Variants in MTUS1 observed in about 807,000 individuals in gnomAD.
MTUS1 encodes microtubule associated scaffold protein 1, also known as microtubule-associated tumor suppressor 1.
In MTUS1, 109 loss-of-function variants were observed where a neutral mutation model predicts 120.8. The ratio of observed to expected loss-of-function variants is 0.90; its 90% CI spans 0.77 to 1.06. The LOEUF (loss-of-function observed/expected upper bound fraction) is 1.06, where lower values mean the gene tolerates loss of function less well. Ranked by LOEUF, MTUS1 falls within the 50% of genes least tolerant of loss-of-function variation. The probability of loss-of-function intolerance (pLI) is 0.00; values close to 1 mark genes in which losing one functional copy is unlikely to be tolerated. For missense variants in MTUS1, 2,210 were observed against 1,486.3 expected (o/e 1.49, Z -8.01); for synonymous variants, 737 against 550.5 (o/e 1.34, Z -4.74).
intron 1 of MTUS1, among the ~76,000 whole-genome samples, chr8:17,789,612 C>T (rs557955661): frequency 1.3e-5 from 2 of 152,238 alleles, no homozygotes; most frequent in Admixed American, 6.5e-5. Context: ...TGTGTAGTTA[C>T]GCAAGTTGGC....
chr8:17,688,186 G>C (rs1355619697), intron 6 of MTUS1, among the ~76,000 whole-genome samples: 2 of 152,180 alleles, frequency 1.3e-5, no homozygotes, highest in Admixed American at 6.5e-5. Flanking sequence ...GTCCACTTTT[G>C]TGTATACTCA....
At chr8:17,703,305 T>A (rs1030341693) in intron 6 of MTUS1, among the ~76,000 whole-genome samples, 1 of 152,138 alleles carries the variant, frequency 6.6e-6, no homozygotes, top group Non-Finnish European at 1.5e-5. Flanking sequence ...GGTAGGTCTA[T>A]AAACGGCCGC....
chr8:17,778,713 G>T (rs998139085), intron 1 of MTUS1, among the ~76,000 whole-genome samples: 9 of 152,184 alleles, frequency 5.9e-5, no homozygotes, highest in Non-Finnish European at 1.2e-4. Flanking sequence ...GGAGGCTGAA[G>T]TGGGAGGATC....
chr8:17,788,991 C>T (rs934849005), intron 1 of MTUS1, among the ~76,000 whole-genome samples: 1 of 151,542 alleles, frequency 6.6e-6, no homozygotes, highest in Non-Finnish European at 1.5e-5. Context: ...TACAGTTATG[C>T]TAAAGAAATG....
chr8:17,764,588 G>A (rs11203913), intron 1 of MTUS1, among the ~76,000 whole-genome samples: 136,317 of 152,206 alleles, frequency 0.9, 62,322 homozygotes, highest in East Asian at 1. Flanking sequence ...CCAAGGGCTG[G>A]CAAGCCATTT....
intron 4 of MTUS1, chr8:17,723,402 G>T (rs563114854): frequency 2.0e-6 from 1 of 488,142 alleles, no homozygotes; most frequent in South Asian, 2.2e-5. Flanking sequence ...AATCCCCTGG[G>T]TTGCTACTCT....
intron 1 of MTUS1, among the ~76,000 whole-genome samples, chr8:17,783,213 C>T (rs1401039106): frequency 6.6e-6 from 1 of 152,190 alleles, no homozygotes; most frequent in African/African-American, 2.4e-5. Flanking sequence ...GCTCACTGGT[C>T]CTAGCTCTGA....
At chr8:17,701,882 T>C (rs1284862595) in intron 6 of MTUS1, among the ~76,000 whole-genome samples, 1 of 152,126 alleles carries the variant, frequency 6.6e-6, no homozygotes, top group Non-Finnish European at 1.5e-5. Flanking sequence ...TACTTACACA[T>C]CAGACTGCTC....
At chr8:17,705,836 T>A (rs1181336069) in intron 6 of MTUS1, 1 of 152,262 alleles carries the variant, frequency 6.6e-6, no homozygotes, top group Non-Finnish European at 1.5e-5. Context: ...AGAGTGATGA[T>A]CTTGTGTAAA....
chr8:17,786,559 A>T (rs1431649993), intron 1 of MTUS1, among the ~76,000 whole-genome samples: 1 of 67,054 alleles, frequency 1.5e-5, no homozygotes, highest in African/African-American at 3.4e-5. Context: ...GAAACCAAAA[A>T]ACACTGAGTT....
At chr8:17,648,750 C>T (rs550509811) in intron 13 of MTUS1, among the ~76,000 whole-genome samples, 4 of 152,344 alleles carry the variant, frequency 2.6e-5, no homozygotes, top group African/African-American at 7.2e-5. Context: ...CCCATGTCCC[C>T]TACTGTCCAG....
At chr8:17,761,792 G>C (rs1014956638) in intron 1 of MTUS1, among the ~76,000 whole-genome samples, 3 of 152,108 alleles carry the variant, frequency 2.0e-5, no homozygotes, top group Non-Finnish European at 4.4e-5. Flanking sequence ...TACAAATACA[G>C]TTATAATTTA....
intron 3 of MTUS1, among the ~76,000 whole-genome samples, chr8:17,730,743 A>T (rs1289949369): frequency 6.6e-6 from 1 of 152,220 alleles, no homozygotes; most frequent in Non-Finnish European, 1.5e-5. Context: ...ATAATGTATG[A>T]TTCTCTTTCA....
intron 7 of MTUS1, among the ~76,000 whole-genome samples, chr8:17,678,866 C>G (rs1263206410): frequency 6.6e-6 from 1 of 152,004 alleles, no homozygotes; most frequent in African/African-American, 2.4e-5. Context: ...TAGGAAGAAG[C>G]TTAATTACTA....
At chr8:17,793,386 T>TGAGGGCAAGAGGA (rs895590980) in intron 1 of MTUS1, among the ~76,000 whole-genome samples, 4 of 151,236 alleles carry the variant, frequency 2.6e-5, no homozygotes, top group African/African-American at 7.3e-5. Context: ...GATGAGGGGG[T>TGAGGGCAAGAGGA]GAGGGCAAGA....
intron 6 of MTUS1, among the ~76,000 whole-genome samples, chr8:17,691,685 C>A (rs562938878): frequency 6.6e-6 from 1 of 151,720 alleles, no homozygotes; most frequent in East Asian, 1.9e-4. Flanking sequence ...CCTTTTCACA[C>A]GCAAATGCTA....
chr8:17,660,460 C>A (rs1809429848), intron 8 of MTUS1, among the ~76,000 whole-genome samples: 1 of 152,156 alleles, frequency 6.6e-6, no homozygotes. Context: ...GTTGCCTCCA[C>A]CTTTGGCTAC....
chr8:17,657,372 T>C (rs1158288089), intron 8 of MTUS1, among the ~76,000 whole-genome samples: 2 of 151,062 alleles, frequency 1.3e-5, no homozygotes, highest in Non-Finnish European at 3.0e-5. Flanking sequence ...ATCGAGACCA[T>C]CCCGGCTAAA....
chr8:17,764,724 G>A (rs962075406), intron 1 of MTUS1, among the ~76,000 whole-genome samples: 2 of 152,200 alleles, frequency 1.3e-5, no homozygotes, highest in Admixed American at 6.5e-5. Flanking sequence ...AAGCGCAACT[G>A]CATCCCAGTA....
Sources: allele counts gnomAD v4.1 joint callset (sites outside exome capture counted in the v4.1 genomes callset), GRCh38; gene constraint gnomAD v4.1.1; transcripts MANE v1.5; gene names NCBI Gene and HGNC (gene_info 2026-07-23, HGNC 2026-07-21).